The following C1QTNF7 variants were observed in gnomAD, a reference collection of about 807,000 sequenced individuals.
C1QTNF7 encodes the protein C1q and TNF related 7.
In C1QTNF7, 15 loss-of-function variants were observed where a neutral mutation model predicts 19.6. That is an observed-to-expected ratio of 0.76 (90% CI 0.51 to 1.18). The LOEUF is 1.18. Among genes scored for constraint, C1QTNF7 ranks in the 50% most tolerant of loss-of-function variants. C1QTNF7 has a pLI of 0.00. For missense variants in C1QTNF7, 324 were observed against 359.7 expected, an observed-to-expected ratio of 0.90 and a Z score of 0.80; for synonymous variants, 142 against 137.5, an observed-to-expected ratio of 1.03 and a Z score of -0.23.
intron 2 of C1QTNF7, among the ~76,000 whole-genome samples, chr4:15,437,100 T>G (rs1712567770): frequency 6.6e-6 from 1 of 152,202 alleles, no homozygotes; most frequent in African/African-American, 2.4e-5. Context: ...GTAACACCTG[T>G]GAATATAAGT....
chr4:15,445,835 A>G lies in C1QTNF7; in HGVS notation c.*3036A>G, dbSNP rs1300507039. The G allele has an allele frequency of 2.0e-5, 3 of 152,188 alleles. No individual in the cohort carries two copies. Among genetic ancestry groups the G allele is most frequent in the Admixed American group, 1.3e-4 (2 of 15,274 alleles). The allele number at this position is 152,188 out of a possible 1,614,324, so 9.4% of individuals were successfully genotyped here. A position where few individuals can be genotyped will look rare whatever the true frequency, so the allele number is the denominator to read the frequency against. ...TATTGACTATACACCATCTTGTTCTAGAAGAGTTTAAAGCCACTTAAGAAG... is the reference window on the plus strand; with the variant it reads ...TATTGACTATACACCATCTTGTTCTGGAAGAGTTTAAAGCCACTTAAGAAG... On this transcript the variant is annotated 3_prime_UTR_variant, in exon 3 of 3. Transcript: ENST00000444304.
At chr4:15,368,302 T>A (rs546225340) in intron 1 of C1QTNF7, among the ~76,000 whole-genome samples, 16 of 152,310 alleles carry the variant, frequency 1.1e-4, no homozygotes, top group South Asian at 2.1e-4. Flanking sequence ...ACCATTTTTT[T>A]AATTATACTT....
chr4:15,386,935 G>A (rs1398596155), intron 1 of C1QTNF7, among the ~76,000 whole-genome samples: 4 of 152,126 alleles, frequency 2.6e-5, no homozygotes, highest in Non-Finnish European at 4.4e-5. Context: ...AGCCATTAGA[G>A]AGTCCTACCA....
intron 1 of C1QTNF7, among the ~76,000 whole-genome samples, chr4:15,412,754 TTGAAAAGACACAAG>T (rs1188386605): frequency 5.3e-5 from 8 of 152,190 alleles, no homozygotes; most frequent in Non-Finnish European, 1.0e-4. Flanking sequence ...AAAAGACAAC[TTGAAAAGACACAAG>T]TGCATCTGCG....
intron 1 of C1QTNF7, among the ~76,000 whole-genome samples, chr4:15,389,866 G>C (rs1182496070): frequency 1.3e-5 from 2 of 152,150 alleles, no homozygotes; most frequent in Non-Finnish European, 1.5e-5. Flanking sequence ...GGCAGGAAAT[G>C]AGGCTCACAC....
intron 1 of C1QTNF7, chr4:15,361,080 G>A (rs1440993038): frequency 6.6e-6 from 1 of 152,036 alleles, no homozygotes; most frequent in Non-Finnish European, 1.5e-5. Context: ...GTATTTAAAA[G>A]GATTAAAGTT....
chr4:15,397,441 C>T (rs925692894), intron 1 of C1QTNF7, among the ~76,000 whole-genome samples: 6 of 152,338 alleles, frequency 3.9e-5, no homozygotes, highest in African/African-American at 1.4e-4. Flanking sequence ...ATCCCCTACT[C>T]AAATTCAGGA....
chr4:15,349,623 A>G (rs1275224831), intron 1 of C1QTNF7, among the ~76,000 whole-genome samples: 1 of 152,200 alleles, frequency 6.6e-6, no homozygotes. Flanking sequence ...CCAGACTCAG[A>G]GCCTTTGCAG....
At chr4:15,388,409 C>T (rs983280439) in intron 1 of C1QTNF7, among the ~76,000 whole-genome samples, 4 of 152,034 alleles carry the variant, frequency 2.6e-5, no homozygotes, top group African/African-American at 9.7e-5. Flanking sequence ...TAAAGAGGGG[C>T]CAAGGAGTCA....
chr4:15,360,056 G>T (rs187699925), intron 1 of C1QTNF7, among the ~76,000 whole-genome samples: 33 of 152,244 alleles, frequency 2.2e-4, no homozygotes, highest in Admixed American at 2.1e-3. Context: ...AATATTCTTG[G>T]ATTTGGCTTC....
chr4:15,367,418 T>C (rs1717564802), intron 1 of C1QTNF7, among the ~76,000 whole-genome samples: 1 of 152,218 alleles, frequency 6.6e-6, no homozygotes, highest in Admixed American at 6.5e-5. Context: ...ATATCACTTA[T>C]ACAATTTTCA....
In C1QTNF7 at chr4:15,445,482, C is replaced by T. The variant is rs1055783739; in HGVS notation, c.*2683C>T. 6.6e-6 allele frequency: 1 copy of T among 152,114 alleles called. No homozygotes were observed. The highest frequency in any genetic ancestry group is 1.5e-5 in the Non-Finnish European group (1 of 68,010). The allele number at this position is 152,114 out of a possible 1,614,324, so 9.4% of individuals were successfully genotyped here. On this transcript the variant is annotated 3_prime_UTR_variant, in exon 3 of 3. Coordinates refer to ENST00000444304, the MANE Select transcript of C1QTNF7 (RefSeq NM_031911.5). ...TTTAAATGTTTCTTTTATTACAAAG[C>T]CTATTTTGAGTAGCTTTTAAAACTG...
intron 1 of C1QTNF7, among the ~76,000 whole-genome samples, chr4:15,410,482 T>A (rs1207849114): frequency 6.6e-6 from 1 of 152,202 alleles, no homozygotes; most frequent in Admixed American, 6.5e-5. Context: ...AAAGGCATTA[T>A]AACTACCTTT....
intron 1 of C1QTNF7, among the ~76,000 whole-genome samples, chr4:15,383,973 A>G (rs928789819): frequency 1.3e-5 from 2 of 152,210 alleles, no homozygotes; most frequent in Non-Finnish European, 2.9e-5. Flanking sequence ...AGGTAGTTAG[A>G]CCAGGTAATC....
intron 1 of C1QTNF7, among the ~76,000 whole-genome samples, chr4:15,343,168 C>T (rs1315511205): frequency 6.6e-6 from 1 of 152,186 alleles, no homozygotes; most frequent in Non-Finnish European, 1.5e-5. Flanking sequence ...CTCCCGTGAT[C>T]GGGTTATTAA....
intron 1 of C1QTNF7, among the ~76,000 whole-genome samples, chr4:15,382,206 C>T (rs146873210): frequency 8.0e-4 from 122 of 152,258 alleles, no homozygotes; most frequent in African/African-American, 2.7e-3. Context: ...AGCCAGGTTT[C>T]AAATGTGGTT....
chr4:15,393,401 C>T (rs1411939299), intron 1 of C1QTNF7, among the ~76,000 whole-genome samples: 1 of 152,146 alleles, frequency 6.6e-6, no homozygotes, highest in Non-Finnish European at 1.5e-5. Flanking sequence ...AACCTACAGG[C>T]CCCAGGCTGC....
chr4:15,394,007 G>A lies in C1QTNF7; in HGVS notation c.14-41729G>A, dbSNP rs539162174. Reference sequence around the variant, plus strand: ...GGGGTGTGTAGGGCCAAGGCAGGAGGGCTCTATTTCATATAGCAGGGAAGG... The same window carrying A: ...GGGGTGTGTAGGGCCAAGGCAGGAGAGCTCTATTTCATATAGCAGGGAAGG... On this transcript the variant is annotated intron_variant, in intron 1 of 2. Transcript: ENST00000295297. Among the ~76,000 whole-genome samples the A allele has an allele frequency of 1.3e-5, 2 of 152,144 alleles. 1 individual carries two copies. The highest frequency in any genetic ancestry group is 4.1e-4 in the South Asian group (2 of 4,830).
chr4:15,401,279 C>G lies in C1QTNF7; in HGVS notation c.14-34457C>G, dbSNP rs1052699665. The stretch of plus-strand genomic sequence containing the variant: ...TGAGGAGCGTGTGGGGAGGAGCGAC[C>G]TTGCAGCCACAACAAAATCTGCATC... On this transcript the variant is annotated intron_variant, in intron 1 of 2. Coordinates refer to the C1QTNF7 transcript ENST00000295297. Among the ~76,000 whole-genome samples the G allele has an allele frequency of 3.7e-4, 57 of 152,220 alleles. 1 individual carries two copies. The highest frequency in any genetic ancestry group is 1.3e-3 in the African/African-American group (56 of 41,530).
Sources: allele counts gnomAD v4.1 joint callset (sites outside exome capture counted in the v4.1 genomes callset), GRCh38; gene constraint gnomAD v4.1.1; transcripts MANE v1.5; gene names NCBI Gene and HGNC (gene_info 2026-07-23, HGNC 2026-07-21).